Variants in BCAS3 observed in about 807,000 individuals in gnomAD.
BCAS3 encodes BCAS3 microtubule associated cell migration factor.
BCAS3 carries 53 observed loss-of-function variants against 116.1 expected under a neutral mutation model. That is an observed-to-expected ratio of 0.46 (90% confidence interval 0.37 to 0.57). The LOEUF (loss-of-function observed/expected upper bound fraction) is 0.57. Ranked by LOEUF, BCAS3 falls within the 20% of genes least tolerant of loss-of-function variation. The pLI is 0.00. For missense variants in BCAS3, 917 were observed against 1,165.4 expected, an observed-to-expected ratio of 0.79 and a Z score of 3.10; for synonymous variants, 391 against 408.2, an observed-to-expected ratio of 0.96 and a Z score of 0.51.
chr17:61,272,593 T>G (rs896225952), intron 22 of BCAS3, among the ~76,000 whole-genome samples: 18 of 115,716 alleles, frequency 1.6e-4, no homozygotes, highest in African/African-American at 5.9e-4. Flanking sequence ...GAGCCGGGAG[T>G]GCACCACTGC....
rs1185883267 is a variant in BCAS3, at chr17:61,362,749, C to T, written c.2426-5578C>T. On this transcript the variant is annotated intron_variant, in intron 22 of 23. Transcript: ENST00000407086. This position sits in a 1 kb window ranked among gnomAD's most constrained non-coding sequence, Gnocchi z 4.4. Reference sequence around the variant, plus strand: ...GACACTCACCTGGATGAGACCAGCTCTCTCTGCCGTCCTAGACAGATTGTT... The same window carrying T: ...GACACTCACCTGGATGAGACCAGCTTTCTCTGCCGTCCTAGACAGATTGTT... 1 of 152,252 alleles carries T rather than the reference C, an allele frequency of 6.6e-6. No homozygotes were observed. Among genetic ancestry groups the T allele is most frequent in the Non-Finnish European group, 1.5e-5 (1 of 68,056 alleles). The allele number at this position is 152,252 out of a possible 1,614,324, so 9.4% of individuals were successfully genotyped here. A position where few individuals can be genotyped will look rare whatever the true frequency, so the allele number is the denominator to read the frequency against.
chr17:60,947,427 C>T, intron 14 of BCAS3, 75 bp downstream of exon 14: 2 of 1,407,546 alleles, frequency 1.4e-6, no homozygotes, highest in Non-Finnish European at 9.7e-7. Flanking sequence ...ATTTATATTA[C>T]ATTGCAGCTT....
chr17:61,210,704 C>T (rs1389149690), intron 22 of BCAS3, among the ~76,000 whole-genome samples: 1 of 152,088 alleles, frequency 6.6e-6, no homozygotes, highest in Non-Finnish European at 1.5e-5. Flanking sequence ...AATAGGATCA[C>T]AAAGTGTTTC....
chr17:60,679,510 G>T lies in BCAS3; in HGVS notation c.53G>T (p.Gly18Val), dbSNP rs1292294938. ...DSPRRPSRCT[G>V]GVVVRPQAVT... ...CCAAGAAGACCCAGTCGTTGTACTGGTGGAGTTGTGGTTCGCCCCCAGGCT... is the reference window on the plus strand; with the variant it reads ...CCAAGAAGACCCAGTCGTTGTACTGTTGGAGTTGTGGTTCGCCCCCAGGCT... The change falls in exon 2 of 24, where the codon GGT becomes GTT. Residue 18 changes from glycine to valine, a missense_variant. By Grantham distance (109) the Gly-to-Val change is moderately radical (BLOSUM62 -3). Around this residue, in one of 3 missense-constraint regions of BCAS3, gnomAD observed 807 missense variants for 1,026.0 expected, o/e 0.79. Coordinates refer to ENST00000407086, the MANE Select transcript of BCAS3 (RefSeq NM_017679.5). 1.2e-6 allele frequency: 2 copies of T among 1,613,824 alleles called. No homozygotes were observed. Among genetic ancestry groups the T allele is most frequent in the East Asian group, 2.2e-5 (1 of 44,886 alleles).
At chr17:61,066,934 T>C (rs1239653069) in intron 19 of BCAS3, among the ~76,000 whole-genome samples, 1 of 152,088 alleles carries the variant, frequency 6.6e-6, no homozygotes, top group Non-Finnish European at 1.5e-5. Flanking sequence ...TGTTAATGTT[T>C]ATACCTTTAA....
rs1183466103 is a variant in BCAS3 at position 61,347,650 on chromosome 17, C to T, written c.2426-20677C>T. On this transcript the variant is annotated intron_variant, in intron 22 of 23. Transcript: ENST00000407086. The surrounding 1 kb of genome is among the most constrained non-coding windows in gnomAD (Gnocchi z 4.3). ...CCAAATTTCCCATCATCCAGCATAG[C>T]GACTGGTGCACAATAGACATCTGTT... is the stretch of plus-strand genomic sequence containing the variant. Among the ~76,000 whole-genome samples the T allele has an allele frequency of 2.0e-5, 3 of 152,178 alleles. No homozygotes were observed. The highest frequency in any genetic ancestry group is 2.4e-5 in the African/African-American group (1 of 41,438).
At position 61,278,240 on chromosome 17, in the gene BCAS3, A is replaced by G. The variant is rs899469595; in HGVS notation, c.2426-90087A>G. Among the ~76,000 whole-genome samples the G allele has an allele frequency of 1.3e-5, 2 of 152,102 alleles. No homozygotes were observed. The highest frequency in any genetic ancestry group is 4.8e-5 in the African/African-American group (2 of 41,416). On this transcript the variant is annotated intron_variant, in intron 22 of 23. Transcript: ENST00000407086. This position sits in a 1 kb window ranked among gnomAD's most constrained non-coding sequence, Gnocchi z 5.8. The stretch of plus-strand genomic sequence containing the variant: ...GTATTTTTAGTAGAGACGGGGTTTC[A>G]CCATGTTGGCCAGGCTGGTCTTGAA...
intron 14 of BCAS3, among the ~76,000 whole-genome samples, chr17:60,982,818 G>T (rs560674358): frequency 3.6e-4 from 55 of 152,090 alleles, no homozygotes; most frequent in African/African-American, 1.3e-3. Flanking sequence ...TTGTCTTCAA[G>T]GCCTAAAATT....
rs1041633708 is a variant in BCAS3 at position 61,355,877 on chromosome 17, A to G, written c.2426-12450A>G. Among the ~76,000 whole-genome samples, 5 of 152,158 alleles carry G rather than the reference A, an allele frequency of 3.3e-5. No homozygotes were observed. Among genetic ancestry groups the G allele is most frequent in the African/African-American group, 9.7e-5 (4 of 41,440 alleles). On this transcript the variant is annotated intron_variant, in intron 22 of 23. Transcript: ENST00000407086. The surrounding 1 kb of genome is among the most constrained non-coding windows in gnomAD (Gnocchi z 4.2). ...TGAAGGAATTGCTAGGTTTCCGAGG[A>G]TAGTTTGTCTTGCAGTGTATTCTGA...
At chr17:60,706,908 G>A (rs1434073958) in intron 4 of BCAS3, among the ~76,000 whole-genome samples, 5 of 149,234 alleles carry the variant, frequency 3.4e-5, no homozygotes, top group African/African-American at 4.9e-5. Flanking sequence ...TTGACCTCCC[G>A]GGCTCAAGCT....
intron 22 of BCAS3, among the ~76,000 whole-genome samples, chr17:61,120,469 G>A (rs1010150135): frequency 1.3e-5 from 2 of 151,988 alleles, no homozygotes; most frequent in African/African-American, 4.8e-5. Context: ...TAATGTGTGT[G>A]TGCATATACA....
chr17:60,721,755 A>T (rs1042858768), intron 5 of BCAS3, among the ~76,000 whole-genome samples: 5 of 151,194 alleles, frequency 3.3e-5, no homozygotes, highest in East Asian at 1.9e-4. Context: ...ACAGACTGAA[A>T]ATATATATAT....
intron 22 of BCAS3, chr17:61,086,918 C>T (rs979688666): frequency 9.1e-6 from 9 of 985,096 alleles, no homozygotes; most frequent in East Asian, 1.1e-4. Context: ...AATGTTTTGT[C>T]GTGGAATGTC....
chr17:60,750,735 C>T (rs991543872), intron 6 of BCAS3, among the ~76,000 whole-genome samples: 3 of 152,140 alleles, frequency 2.0e-5, no homozygotes, highest in African/African-American at 7.2e-5. Flanking sequence ...AACAACATTC[C>T]CTTGTGATAG....
chr17:61,165,841 T>G (rs550468483), intron 22 of BCAS3, among the ~76,000 whole-genome samples: 33 of 152,348 alleles, frequency 2.2e-4, no homozygotes, highest in African/African-American at 7.7e-4. Flanking sequence ...GATTAATACT[T>G]GAAAGAACTC....
At chr17:61,050,943 A>G (rs1324367081) in intron 19 of BCAS3, among the ~76,000 whole-genome samples, 1 of 152,092 alleles carries the variant, frequency 6.6e-6, no homozygotes, top group African/African-American at 2.4e-5. Context: ...CCTGACCACA[A>G]GAGTTAAGTA....
rs1435451918 is a variant in BCAS3 at position 61,134,527 on chromosome 17, G to A, written c.2425+49963G>A. 2.0e-5 allele frequency among the ~76,000 whole-genome samples: 3 copies of A among 152,180 alleles called. No homozygotes were observed. Among genetic ancestry groups the A allele is most frequent in the Non-Finnish European group, 2.9e-5 (2 of 68,024 alleles). The stretch of plus-strand genomic sequence containing the variant: ...ATTTATAAAATGAGAGTATTGGACT[G>A]AGCAATTTCTAGATCCTTTTGGTTC... On this transcript the variant is annotated intron_variant, in intron 22 of 23. Transcript: ENST00000407086. The surrounding 1 kb of genome is among the most constrained non-coding windows in gnomAD (Gnocchi z 4.6).
intron 22 of BCAS3, among the ~76,000 whole-genome samples, chr17:61,268,683 G>T (rs550853993): frequency 1.3e-5 from 2 of 151,482 alleles, no homozygotes; most frequent in Non-Finnish European, 2.9e-5. Context: ...TCAGCCTCTT[G>T]AATACCTGAG....
rs1419377311 is a variant in BCAS3 at position 61,377,142 on chromosome 17, A to G, written c.2593+8648A>G. ...AGGAGTGCTCCCCTGCCCACAGGGC[A>G]TGGTCTTTCTAGGATGCGGAGGCAA... On this transcript the variant is annotated intron_variant, in intron 23 of 23. Transcript: ENST00000407086. The surrounding 1 kb of genome is among the most constrained non-coding windows in gnomAD (Gnocchi z 4.6). 6.6e-6 allele frequency among the ~76,000 whole-genome samples: 1 copy of G among 152,142 alleles called. No homozygotes were observed. Among genetic ancestry groups the G allele is most frequent in the African/African-American group, 2.4e-5 (1 of 41,440 alleles).
Sources: allele counts gnomAD v4.1 joint callset (sites outside exome capture counted in the v4.1 genomes callset), GRCh38; gene constraint gnomAD v4.1.1; regional missense constraint gnomAD v4.1.1; non-coding constraint Gnocchi (gnomAD v3.1); transcripts MANE v1.5; gene names NCBI Gene and HGNC (gene_info 2026-07-23, HGNC 2026-07-21).